The following GRIK2 variants were observed in gnomAD, a reference collection of about 807,000 sequenced individuals.
GRIK2 encodes the protein glutamate ionotropic receptor kainate type subunit 2.
Under a neutral mutation model 100.3 loss-of-function variants are expected in GRIK2, and 32 were observed. The ratio of observed to expected loss-of-function variants is 0.32; its 90% CI spans 0.24 to 0.43. The LOEUF (loss-of-function observed/expected upper bound fraction) is 0.43. GRIK2 is among the 20% of genes least tolerant of loss of function. The pLI is 1.00. For synonymous variants in GRIK2, 417 were observed against 389.4 expected (o/e 1.07, Z -0.83); for missense variants, 843 against 1,114.9 (o/e 0.76, Z 3.47).
chr6:101,539,823 T>A (rs577300369), intron 2 of GRIK2, among the ~76,000 whole-genome samples: 80 of 151,904 alleles, frequency 5.3e-4, no homozygotes, highest in African/African-American at 1.9e-3. Context: ...AATTTTACCT[T>A]CGAGCTCTGA....
intron 7 of GRIK2, among the ~76,000 whole-genome samples, chr6:101,785,747 T>TTG (rs1432312391): frequency 6.6e-6 from 1 of 152,080 alleles, no homozygotes; most frequent in East Asian, 1.9e-4. Context: ...AGGTCAGGTA[T>TTG]TGTGATGCCT....
intron 4 of GRIK2, among the ~76,000 whole-genome samples, chr6:101,632,739 A>C (rs2128320997): frequency 6.6e-6 from 1 of 152,188 alleles, no homozygotes; most frequent in South Asian, 2.1e-4. Context: ...ATTATAGATA[A>C]AACTTTGACC....
At chr6:101,617,551 A>G (rs1779950154) in intron 2 of GRIK2, among the ~76,000 whole-genome samples, 1 of 151,790 alleles carries the variant, frequency 6.6e-6, no homozygotes, top group Non-Finnish European at 1.5e-5. Flanking sequence ...CAGAGTTTGT[A>G]TATTTTCAGT....
intron 2 of GRIK2, among the ~76,000 whole-genome samples, chr6:101,432,619 T>C (rs1409440932): frequency 2.0e-5 from 3 of 152,236 alleles, no homozygotes; most frequent in Admixed American, 1.3e-4. Flanking sequence ...AATGTGCACT[T>C]CTATTTTGTC....
At chr6:101,918,513 G>C (rs1470755720) in intron 12 of GRIK2, among the ~76,000 whole-genome samples, 3 of 151,684 alleles carry the variant, frequency 2.0e-5, no homozygotes, top group African/African-American at 7.2e-5. Context: ...TAAAGGTCTA[G>C]AGTAAGAAAT....
chr6:101,838,647 A>G (rs1407061500), intron 10 of GRIK2, among the ~76,000 whole-genome samples: 2 of 146,902 alleles, frequency 1.4e-5, no homozygotes, highest in Non-Finnish European at 2.9e-5. Context: ...TCACTCTATT[A>G]ATACAACTTT....
chr6:101,620,153 G>C, intron 2 of GRIK2: 1 of 456,950 alleles, frequency 2.2e-6, no homozygotes, highest in African/African-American at 2.1e-5. Flanking sequence ...GATAGCAATT[G>C]GCAAATCCAG....
intron 14 of GRIK2, among the ~76,000 whole-genome samples, chr6:102,034,108 G>C (rs926039207): frequency 1.8e-4 from 27 of 151,366 alleles, no homozygotes; most frequent in Admixed American, 7.9e-4. Flanking sequence ...AGGCAGGCAT[G>C]TTCAGTGTTT....
intron 13 of GRIK2, among the ~76,000 whole-genome samples, chr6:101,926,470 T>C (rs1789910262): frequency 6.6e-6 from 1 of 152,150 alleles, no homozygotes; most frequent in Admixed American, 6.6e-5. Flanking sequence ...AAAGAAAACA[T>C]TCTTTTTTTC....
At chr6:101,490,940 T>TAC (rs34649860) in intron 2 of GRIK2, among the ~76,000 whole-genome samples, 6 of 145,972 alleles carry the variant, frequency 4.1e-5, no homozygotes, top group Non-Finnish European at 1.5e-5. Context: ...TGCGTGCACA[T>TAC]ACACACACAC....
chr6:101,569,491 A>G (rs1777435663), intron 2 of GRIK2, among the ~76,000 whole-genome samples: 1 of 151,892 alleles, frequency 6.6e-6, no homozygotes, highest in African/African-American at 2.4e-5. Flanking sequence ...AAATATAAAT[A>G]TTATAAAGCT....
intron 4 of GRIK2, among the ~76,000 whole-genome samples, chr6:101,630,776 C>T (rs1252163857): frequency 6.6e-6 from 1 of 151,938 alleles, no homozygotes; most frequent in Non-Finnish European, 1.5e-5. Context: ...CCACCTCATA[C>T]ACAATAAAAT....
intron 7 of GRIK2, among the ~76,000 whole-genome samples, chr6:101,778,578 A>G (rs1401659560): frequency 6.6e-6 from 1 of 152,176 alleles, no homozygotes; most frequent in Non-Finnish European, 1.5e-5. Context: ...TCTCCCAGTC[A>G]AAATTCAATG....
chr6:101,736,757 G>T (rs1288270638), intron 7 of GRIK2, among the ~76,000 whole-genome samples: 1 of 152,202 alleles, frequency 6.6e-6, no homozygotes, highest in African/African-American at 2.4e-5. Flanking sequence ...TTGTCTTGGG[G>T]ATTAATATTC....
Position 101,400,884 on chromosome 6 carries a change from A to T in GRIK2, c.115+1492A>T, listed in dbSNP as rs144565116. ...TTTCATGCTTTTTTCATGCCTTTAG[A>T]TGGTACTTAAGCACGTTGCTCTTAG... On this transcript the variant is annotated intron_variant, in intron 2 of 16. Coordinates refer to ENST00000369134, the MANE Select transcript of GRIK2 (RefSeq NM_021956.5). 4.1e-3 allele frequency among the ~76,000 whole-genome samples: 627 copies of T among 152,260 alleles called. 6 individuals are homozygous for T. Among genetic ancestry groups the T allele is most frequent in the African/African-American group, 0.014 (575 of 41,540 alleles).
At chr6:102,034,508 G>C (rs1019089301) in intron 14 of GRIK2, among the ~76,000 whole-genome samples, 2 of 151,278 alleles carry the variant, frequency 1.3e-5, no homozygotes, top group Non-Finnish European at 3.0e-5. Context: ...GATGATAAGG[G>C]TTTCACAGAT....
At chr6:102,065,337 C>T (rs1771964627) in intron 16 of GRIK2, among the ~76,000 whole-genome samples, 1 of 151,116 alleles carries the variant, frequency 6.6e-6, no homozygotes, top group African/African-American at 2.4e-5. Flanking sequence ...TATTACTCAG[C>T]AATATAAACT....
chr6:101,559,799 C>T (rs1053205049), intron 2 of GRIK2, among the ~76,000 whole-genome samples: 1 of 152,050 alleles, frequency 6.6e-6, no homozygotes, highest in African/African-American at 2.4e-5. Flanking sequence ...CATCCATATG[C>T]TTTGAATACA....
intron 16 of GRIK2, among the ~76,000 whole-genome samples, chr6:102,064,372 TTC>T (rs1771906217): frequency 7.3e-6 from 1 of 137,684 alleles, no homozygotes; most frequent in Admixed American, 7.1e-5. Flanking sequence ...CCTTCTTTCT[TTC>T]TTTCTTTCTT....
Sources: gnomAD v4.1 joint callset for allele counts (sites outside exome capture counted in the v4.1 genomes callset) on GRCh38, gnomAD v4.1.1 for gene constraint, MANE v1.5 for transcripts, NCBI Gene and HGNC (gene_info 2026-07-23, HGNC 2026-07-21) for gene names.